Variants in SGSM1 observed in about 807,000 individuals in gnomAD.
SGSM1 encodes RUN and TBC1 domain containing 2.
In SGSM1, 73 loss-of-function variants were observed where a neutral mutation model predicts 133.8. The observed-to-expected ratio is 0.55, with a 90% CI of 0.45 to 0.66. The LOEUF is 0.66. Among genes scored for constraint, SGSM1 ranks in the 30% least tolerant of loss-of-function variants. The pLI is 0.00. For missense variants in SGSM1, 1,213 were observed against 1,448.1 expected (o/e 0.84, Z 2.64); for synonymous variants, 563 against 573.0 (o/e 0.98, Z 0.25).
chr22:24,836,665 G>A (rs1022737788), intron 2 of SGSM1, among the ~76,000 whole-genome samples: 1 of 152,154 alleles, frequency 6.6e-6, no homozygotes, highest in Non-Finnish European at 1.5e-5. Context: ...GTATCTCATT[G>A]TGGTTTTGAT....
At chr22:24,809,195 A>T (rs1927591987) in intron 2 of SGSM1, among the ~76,000 whole-genome samples, 2 of 152,128 alleles carry the variant, frequency 1.3e-5, no homozygotes, top group South Asian at 4.1e-4. Flanking sequence ...TTTGGGGAGC[A>T]TCTCTCTCAG....
intron 14 of SGSM1, among the ~76,000 whole-genome samples, chr22:24,880,241 T>C (rs1250960444): frequency 6.6e-6 from 1 of 151,900 alleles, no homozygotes; most frequent in Non-Finnish European, 1.5e-5. Flanking sequence ...TTCACGCCAT[T>C]CTCCTGCCTT....
chr22:24,924,384 C>G lies in SGSM1; in HGVS notation c.*110C>G. ...CGGGAGCGGGGTCCTGGTGTCTGTT[C>G]ACAAGCGTGGAGTTCAGTGCGCAAA... On this transcript the variant is annotated 3_prime_UTR_variant, in exon 25 of 25. Transcript: ENST00000400358. 1 of 902,466 alleles carries G rather than the reference C, an allele frequency of 1.1e-6. No individual in the cohort carries two copies. Among genetic ancestry groups the G allele is most frequent in the South Asian group, 1.4e-5 (1 of 71,142 alleles). The allele number at this position is 902,466 out of a possible 1,614,324, so 55.9% of individuals were successfully genotyped here. A position where few individuals can be genotyped will look rare whatever the true frequency, so the allele number is the denominator to read the frequency against.
intron 14 of SGSM1, among the ~76,000 whole-genome samples, chr22:24,882,014 G>T (rs1014143891): frequency 2.6e-5 from 4 of 151,852 alleles, no homozygotes; most frequent in Admixed American, 6.6e-5. Context: ...TGACTTGGGG[G>T]GGGGCCTTTT....
At chr22:24,871,629 C>A (rs1025856299) in intron 12 of SGSM1, among the ~76,000 whole-genome samples, 1 of 152,180 alleles carries the variant, frequency 6.6e-6, no homozygotes, top group African/African-American at 2.4e-5. Flanking sequence ...AGCAACTAGT[C>A]CAGGATCACA....
intron 2 of SGSM1, among the ~76,000 whole-genome samples, chr22:24,826,532 C>T (rs1183196906): frequency 6.6e-6 from 1 of 152,182 alleles, no homozygotes; most frequent in Non-Finnish European, 1.5e-5. Context: ...CAGCATTTAC[C>T]GAGCACCTGC....
At chr22:24,918,086 C>T (rs1933883140) in intron 23 of SGSM1, among the ~76,000 whole-genome samples, 1 of 152,084 alleles carries the variant, frequency 6.6e-6, no homozygotes, top group African/African-American at 2.4e-5. Context: ...TTTTCAGAGC[C>T]CAAGAACTCT....
chr22:24,924,469 A>G lies in SGSM1; in HGVS notation c.*195A>G. The G allele has an allele frequency of 1.8e-6, 1 of 568,838 alleles. No homozygotes were observed. The highest frequency in any genetic ancestry group is 3.1e-6 in the Non-Finnish European group (1 of 319,120). 35.2% of individuals were successfully genotyped at this position (568,838 alleles called of 1,614,324 possible). On this transcript the variant is annotated 3_prime_UTR_variant, in exon 25 of 25. Transcript: ENST00000400358. Reference sequence around the variant, plus strand: ...GGTGGAGGGAGTACCCCTTCAATTCAGCCTTACATTTTCCTGTTTGACCAA... The same window carrying G: ...GGTGGAGGGAGTACCCCTTCAATTCGGCCTTACATTTTCCTGTTTGACCAA...
intron 21 of SGSM1, among the ~76,000 whole-genome samples, chr22:24,912,219 A>G (rs1271765142): frequency 6.6e-6 from 1 of 152,160 alleles, no homozygotes; most frequent in Non-Finnish European, 1.5e-5. Flanking sequence ...GTACACGCTA[A>G]GGAAATCTGA....
intron 2 of SGSM1, among the ~76,000 whole-genome samples, chr22:24,840,109 A>AT (rs1373396317): frequency 6.6e-6 from 1 of 151,384 alleles, no homozygotes; most frequent in African/African-American, 2.4e-5. Context: ...TGCCCAGCTA[A>AT]TTTTTTGTAT....
Position 24,922,179 on chromosome 22 carries a change from C to CTT in SGSM1, c.3194-1987_3194-1986dup, listed in dbSNP as rs140795501. Reference sequence around the variant, plus strand: ...TTGATTTTCACATGGCACTTACTTTCTTTTTTTTTTTTTTTTTTTTTGTGA... The same window carrying CTT: ...TTGATTTTCACATGGCACTTACTTTCTTTTTTTTTTTTTTTTTTTTTTTGTGA... On this transcript the variant is annotated intron_variant, in intron 24 of 24. Transcript: ENST00000400358. Among the ~76,000 whole-genome samples the CTT allele has an allele frequency of 7.9e-3, 845 of 106,860 alleles. 31 individuals are homozygous for CTT. Among genetic ancestry groups the CTT allele is most frequent in the African/African-American group, 0.024 (594 of 24,330 alleles). The allele number at this position is 106,860 out of a possible 152,430, so 70.1% of individuals were successfully genotyped here.
intron 2 of SGSM1, among the ~76,000 whole-genome samples, chr22:24,841,041 G>A (rs2330932): frequency 0.4 from 61,074 of 151,780 alleles, 12,807 homozygotes; most frequent in African/African-American, 0.53. Flanking sequence ...TAGTAGAGAC[G>A]GGGTTTCACC....
Position 24,845,941 on chromosome 22 carries a change from T to TTTTCTTTTCTTTTCTTTTCTTTTC in SGSM1, c.139+976_139+977insTCTTTTCTTTTCTTTTCTTTCTTT, listed in dbSNP as rs1491325876. Among the ~76,000 whole-genome samples, 15 of 115,708 alleles carry TTTTCTTTTCTTTTCTTTTCTTTTC rather than the reference T, an allele frequency of 1.3e-4. No individual in the cohort carries two copies. The East Asian group carries it at 2.8e-3, about 22-fold the overall frequency. 75.9% of individuals were successfully genotyped at this position (115,708 alleles called of 152,430 possible). The stretch of plus-strand genomic sequence containing the variant: ...TGGGCAAGATCTTTCTTTTCTTTTC[T>TTTTCTTTTCTTTTCTTTTCTTTTC]TTTCTTTCTTTCTTTCTTTCTTTCT... On this transcript the variant is annotated intron_variant, in intron 3 of 24. Coordinates refer to ENST00000400358, the MANE Select transcript of SGSM1 (RefSeq NM_001098497.3).
chr22:24,883,991 A>G (rs1932465595), intron 14 of SGSM1, 62 bp from the exon 15 acceptor site: 1 of 1,489,862 alleles, frequency 6.7e-7, no homozygotes, highest in Non-Finnish European at 9.0e-7. Context: ...GGGAAGTCCC[A>G]TGAGACAAGG....
At chr22:24,845,094 C>A in intron 3 of SGSM1, 122 bp downstream of exon 3, 1 of 836,132 alleles carries the variant, frequency 1.2e-6, no homozygotes. Flanking sequence ...GAGGGGGACT[C>A]GATTGGAGAA....
At chr22:24,900,357 TTCTTTCTTTCTTTC>T (rs1933093895) in intron 19 of SGSM1, among the ~76,000 whole-genome samples, 1 of 85,042 alleles carries the variant, frequency 1.2e-5, no homozygotes, top group African/African-American at 5.2e-5. Flanking sequence ...CTTTCTTTCT[TTCTTTCTTTCTTTC>T]TTTCTTTCTT....
At chr22:24,900,021 G>T (rs1315812658) in intron 19 of SGSM1, among the ~76,000 whole-genome samples, 3 of 140,142 alleles carry the variant, frequency 2.1e-5, no homozygotes, top group Non-Finnish European at 3.0e-5. Flanking sequence ...TTATTTTATA[G>T]TCTCTTGCTT....
chr22:24,875,804 G>C (rs1931999059), intron 12 of SGSM1, among the ~76,000 whole-genome samples: 1 of 152,158 alleles, frequency 6.6e-6, no homozygotes, highest in African/African-American at 2.4e-5. Context: ...TTATGAAGCT[G>C]AGAAAGAAAA....
At position 24,868,978 on chromosome 22, in the gene SGSM1, CAGAA is replaced by C. The variant is rs373114321; in HGVS notation, c.1291+126_1291+129del. On this transcript the variant is annotated intron_variant, in intron 12 of 24. Coordinates refer to ENST00000400358, the MANE Select transcript of SGSM1 (RefSeq NM_001098497.3). ...TGGGGCTAACAGGAGGATCTGGAAA[CAGAA>C]AGTCGGTTTCTTGGCAGCCTCAGTT... 503 of 1,414,976 alleles carry C rather than the reference CAGAA, an allele frequency of 3.6e-4. 2 individuals carry two copies. The African/African-American group carries it at 5.8e-3, about 16-fold the overall frequency. The allele number at this position is 1,414,976 out of a possible 1,614,324, so 87.7% of individuals were successfully genotyped here.
Sources: gnomAD v4.1 joint callset for allele counts (sites outside exome capture counted in the v4.1 genomes callset) on GRCh38, gnomAD v4.1.1 for gene constraint, MANE v1.5 for transcripts, NCBI Gene and HGNC (gene_info 2026-07-23, HGNC 2026-07-21) for gene names.